The following FBXL5 variants were observed in gnomAD, a reference collection of about 807,000 sequenced individuals.
FBXL5 encodes F-box/LRR-repeat protein 5.
Under a neutral mutation model 78.3 loss-of-function variants are expected in FBXL5, and 26 were observed. That is an observed-to-expected ratio of 0.33 (90% CI 0.24 to 0.46). The LOEUF (loss-of-function observed/expected upper bound fraction) is 0.46, where lower values mean the gene tolerates loss of function less well. FBXL5 is among the 20% of genes least tolerant of loss of function. The pLI is 1.00. For missense variants in FBXL5, 710 were observed against 829.2 expected (o/e 0.86, Z 1.77); for synonymous variants, 295 against 282.5 (o/e 1.04, Z -0.45).
At chr4:15,666,468 T>G (rs1021863299) in intron 1 of FBXL5, among the ~76,000 whole-genome samples, 6 of 152,016 alleles carry the variant, frequency 3.9e-5, no homozygotes, top group Non-Finnish European at 7.4e-5. Context: ...GTTAAACTCA[T>G]ATAAGTAAAG....
At position 15,640,847 on chromosome 4, in the gene FBXL5, T is replaced by G. The variant is rs1208309612; in HGVS notation, c.337A>C (p.Lys113Gln). The G allele has an allele frequency of 6.4e-7, 1 of 1,561,114 alleles. No homozygotes were observed. The highest frequency in any genetic ancestry group is 8.6e-7 in the Non-Finnish European group (1 of 1,156,676). Reference sequence around the variant, plus strand: ...CTTGTAAAAGCCTCCAATCTCTCTTTCAGTTGTTTTGCATAATTTAACTGT... The same window carrying G: ...CTTGTAAAAGCCTCCAATCTCTCTTGCAGTTGTTTTGCATAATTTAACTGT... Reference protein sequence around the residue: ...YEQLNYAKQLKERLEAFTRDF... With the variant: ...YEQLNYAKQLQERLEAFTRDF... Residue 113 changes from lysine to glutamine, a missense_variant, in exon 3 of 11, where the codon AAA becomes CAA. Lys to Gln is a moderately conservative substitution (Grantham distance 53). This residue lies in a region of FBXL5 where 132 missense variants were observed against 156.9 expected (regional missense o/e 0.84). Transcript: ENST00000341285.
intron 1 of FBXL5, among the ~76,000 whole-genome samples, chr4:15,645,533 T>C (rs547489324): frequency 6.6e-6 from 1 of 152,298 alleles, no homozygotes; most frequent in Non-Finnish European, 1.5e-5. Context: ...GTTCAAGCGA[T>C]TATCCTGCCT....
intron 5 of FBXL5, among the ~76,000 whole-genome samples, chr4:15,635,118 G>A (rs1005136227): frequency 6.6e-5 from 10 of 152,230 alleles, no homozygotes; most frequent in African/African-American, 2.2e-4. Flanking sequence ...GATCACCTGA[G>A]GTCAGGAGTT....
chr4:15,679,376 T>C (rs1283053434), intron 1 of FBXL5, among the ~76,000 whole-genome samples: 2 of 152,094 alleles, frequency 1.3e-5, no homozygotes, highest in Non-Finnish European at 2.9e-5. Context: ...TTAACAATTA[T>C]TAATTATCCA....
chr4:15,655,335 C>T lies in FBXL5; in HGVS notation c.-48G>A. The T allele has an allele frequency of 7.6e-7, 1 of 1,318,674 alleles. No homozygotes were observed. The highest frequency in any genetic ancestry group is 1.5e-5 in the South Asian group (1 of 65,080). The allele number at this position is 1,318,674 out of a possible 1,614,324, so 81.7% of individuals were successfully genotyped here. On this transcript the variant is annotated 5_prime_UTR_variant, in exon 1 of 11. An upstream start codon of the reference 5' UTR is lost. Coordinates refer to ENST00000341285, the MANE Select transcript of FBXL5 (RefSeq NM_012161.4). ...TCAGCAGCCGCGGCCGCCGCCTCTC[C>T]ATAGACACCCTCGCCGCGGGGCAGA...
chr4:15,621,569 A>T (rs553165856), intron 9 of FBXL5, among the ~76,000 whole-genome samples: 1 of 152,366 alleles, frequency 6.6e-6, no homozygotes, highest in South Asian at 2.1e-4. Flanking sequence ...ACGTTCTGAT[A>T]CATGCTACGA....
intron 6 of FBXL5, among the ~76,000 whole-genome samples, chr4:15,628,495 C>T (rs1189274300): frequency 6.6e-6 from 1 of 151,960 alleles, no homozygotes; most frequent in African/African-American, 2.4e-5. Flanking sequence ...CATGAAAACA[C>T]CATAAACTCC....
chr4:15,674,350 A>G (rs1436921493), intron 1 of FBXL5, among the ~76,000 whole-genome samples: 1 of 152,190 alleles, frequency 6.6e-6, no homozygotes, highest in Non-Finnish European at 1.5e-5. Flanking sequence ...ACAAAGAAAC[A>G]GAGTTAACAC....
At chr4:15,627,031 C>T in intron 7 of FBXL5, 76 bp from the exon 8 acceptor site, 3 of 781,696 alleles carry the variant, frequency 3.8e-6, no homozygotes, top group Non-Finnish European at 6.1e-6. Flanking sequence ...TATTAGTAAA[C>T]ATAATCTAGT....
chr4:15,612,282 G>A lies in FBXL5; in HGVS notation c.1983C>T (p.Tyr661=), dbSNP rs1467757011. 2 of 1,607,320 alleles carry A rather than the reference G, an allele frequency of 1.2e-6. No individual in the cohort carries two copies. The highest frequency in any genetic ancestry group is 4.5e-5 in the East Asian group (2 of 44,640). Reference sequence around the variant, plus strand: ...AGGCATTACCGTTAATGTTGTCACAGTAGTAAAAGTATTCATCATTCAGAG... The same window carrying A: ...AGGCATTACCGTTAATGTTGTCACAATAGTAAAAGTATTCATCATTCAGAG... ...CPSLNDEYFY[Y]CDNINGPHAD... The change falls in exon 10 of 11, where the codon TAC becomes TAT. Residue 661 remains tyrosine, a synonymous_variant. Transcript: ENST00000341285.
intron 9 of FBXL5, among the ~76,000 whole-genome samples, chr4:15,614,347 G>C (rs778377125): frequency 2.6e-5 from 4 of 152,224 alleles, no homozygotes; most frequent in Non-Finnish European, 2.9e-5. Flanking sequence ...TAGGAGGGGA[G>C]TGAAGTGGAC....
intron 5 of FBXL5, among the ~76,000 whole-genome samples, chr4:15,635,884 C>A (rs568454862): frequency 2.0e-5 from 3 of 151,112 alleles, no homozygotes; most frequent in Admixed American, 6.6e-5. Flanking sequence ...AGAAAATTTT[C>A]TTTAACTGTT....
In FBXL5 at chr4:15,645,039, G is replaced by C. The variant is rs115725900; in HGVS notation, c.85-331C>G. ...TTACTCTATATGTATGCTAAATACAGGCAGGCAGAAATTTTAAAGAGGGAA... is the reference window on the plus strand; with the variant it reads ...TTACTCTATATGTATGCTAAATACACGCAGGCAGAAATTTTAAAGAGGGAA... On this transcript the variant is annotated intron_variant, in intron 1 of 10. Coordinates refer to ENST00000341285, the MANE Select transcript of FBXL5 (RefSeq NM_012161.4). Among the ~76,000 whole-genome samples the C allele has an allele frequency of 9.6e-3, 1,461 of 152,100 alleles. 20 individuals carry two copies. The highest frequency in any genetic ancestry group is 0.034 in the African/African-American group (1,394 of 41,482).
chr4:15,655,155 C>A lies in FBXL5; in HGVS notation c.84+49G>T, dbSNP rs749365651. On this transcript the variant is annotated intron_variant, in intron 1 of 10. Coordinates refer to ENST00000341285, the MANE Select transcript of FBXL5 (RefSeq NM_012161.4). ...GCCGCCCCAAGAACCCAGCCCGCTC[C>A]CCATCGCCGCCCGCACCGCCCACAG... The A allele has an allele frequency of 5.3e-6, 7 of 1,327,844 alleles. No individual in the cohort carries two copies. In the African/African-American group the frequency reaches 6.6e-5, roughly 13 times the overall value. The allele number at this position is 1,327,844 out of a possible 1,614,324, so 82.3% of individuals were successfully genotyped here.
chr4:15,629,200 C>T lies in FBXL5; in HGVS notation c.893-1167G>A, dbSNP rs559657682. Among the ~76,000 whole-genome samples, 13 of 152,228 alleles carry T rather than the reference C, an allele frequency of 8.5e-5. No homozygotes were observed. In the East Asian group the frequency reaches 1.9e-3, roughly 23 times the overall value. On this transcript the variant is annotated intron_variant, in intron 6 of 10. Transcript: ENST00000341285. Reference sequence around the variant, plus strand: ...ATCTAAAAAGGCTCAATCTTTACAGCGTTAACTTTTCCTTTTCAATATGAA... The same window carrying T: ...ATCTAAAAAGGCTCAATCTTTACAGTGTTAACTTTTCCTTTTCAATATGAA...
intron 1 of FBXL5, among the ~76,000 whole-genome samples, chr4:15,675,967 T>C (rs1456830759): frequency 1.3e-5 from 2 of 152,154 alleles, no homozygotes; most frequent in African/African-American, 4.8e-5. Context: ...ATATCAAAGA[T>C]TTATGAGACA....
intron 2 of FBXL5, among the ~76,000 whole-genome samples, chr4:15,642,643 C>A (rs1458815479): frequency 6.6e-6 from 1 of 152,286 alleles, no homozygotes; most frequent in Admixed American, 6.5e-5. Context: ...AGTCTAATGT[C>A]CTGTTCTCTT....
intron 1 of FBXL5, among the ~76,000 whole-genome samples, chr4:15,646,492 C>G (rs893733828): frequency 2.1e-4 from 31 of 149,792 alleles, no homozygotes; most frequent in African/African-American, 6.8e-4. Context: ...TTAAAAATAG[C>G]CTTAGTAGAA....
intron 1 of FBXL5, among the ~76,000 whole-genome samples, chr4:15,680,354 T>A (rs1448981834): frequency 6.6e-6 from 1 of 152,192 alleles, no homozygotes; most frequent in Non-Finnish European, 1.5e-5. Flanking sequence ...AAATATTTGC[T>A]AATCAAAAAA....
Sources: gnomAD v4.1 joint callset for allele counts (sites outside exome capture counted in the v4.1 genomes callset) on GRCh38, gnomAD v4.1.1 for gene constraint, gnomAD v4.1.1 regional missense constraint, MANE v1.5 for transcripts, NCBI Gene and HGNC (gene_info 2026-07-23, HGNC 2026-07-21) for gene names.